Variants in CD302 observed in about 807,000 individuals in gnomAD.
CD302 encodes CD302 antigen.
A neutral mutation model predicts 26.5 loss-of-function variants in CD302; 23 were observed. The ratio of observed to expected loss-of-function variants is 0.87; its 90% CI spans 0.62 to 1.23. The LOEUF (loss-of-function observed/expected upper bound fraction) is 1.23, where lower values mean the gene tolerates loss of function less well. Among genes scored for constraint, CD302 ranks in the 50% most tolerant of loss-of-function variants. CD302 has a pLI of 0.00. For synonymous variants in CD302, 90 were observed against 99.4 expected (o/e 0.91, Z 0.56); for missense variants, 290 against 275.5 (o/e 1.05, Z -0.37).
rs1430257243 is a variant in CD302, at chr2:159,771,781, A to G, written c.*70T>C. On this transcript the variant is annotated 3_prime_UTR_variant, in exon 6 of 6. Coordinates refer to ENST00000259053, the MANE Select transcript of CD302 (RefSeq NM_014880.5). ...TCTAATATCCAATGTCAAGTTTTATATTAAAATCTTTCCCAAGTTATCTCT... is the reference window on the plus strand; with the variant it reads ...TCTAATATCCAATGTCAAGTTTTATGTTAAAATCTTTCCCAAGTTATCTCT... 9.1e-6 allele frequency: 14 copies of G among 1,536,044 alleles called. No homozygotes were observed. Among genetic ancestry groups the G allele is most frequent in the Non-Finnish European group, 1.2e-5 (14 of 1,122,434 alleles).
At chr2:159,782,227 A>T (rs113224945) in intron 2 of CD302, among the ~76,000 whole-genome samples, 5,647 of 151,850 alleles carry the variant, frequency 0.037, 336 homozygotes, top group African/African-American at 0.12. Flanking sequence ...CATCCTGGCC[A>T]ACAGTGAAAC....
At chr2:159,777,908 G>A (rs781701388) in intron 5 of CD302, 30 bp downstream of exon 5, 1 of 999,446 alleles carries the variant, frequency 1.0e-6, no homozygotes, top group Non-Finnish European at 1.5e-6. Flanking sequence ...TTAATTGTGG[G>A]AAAAATTTAA....
chr2:159,794,643 G>C (rs1265282193), intron 1 of CD302, among the ~76,000 whole-genome samples: 1 of 151,658 alleles, frequency 6.6e-6, no homozygotes, highest in East Asian at 2.0e-4. Flanking sequence ...CTGTCTCCTG[G>C]GTTCACGCCA....
At chr2:159,782,369 C>T (rs6432561) in intron 2 of CD302, among the ~76,000 whole-genome samples, 49,606 of 144,390 alleles carry the variant, frequency 0.34, 8,798 homozygotes, top group South Asian at 0.44. Flanking sequence ...GCCGAGATCA[C>T]GCCACTGCAC....
intron 5 of CD302, 78 bp from the exon 6 acceptor site, chr2:159,772,131 T>G: frequency 1.4e-6 from 2 of 1,460,196 alleles, no homozygotes; most frequent in Non-Finnish European, 1.9e-6. Flanking sequence ...AGCACAACTG[T>G]AGTTTTGTGT....
In CD302 at chr2:159,771,687, G is replaced by T; in HGVS notation, c.*164C>A. 2 of 780,092 alleles carry T rather than the reference G, an allele frequency of 2.6e-6. No homozygotes were observed. Among genetic ancestry groups the T allele is most frequent in the South Asian group, 2.0e-5 (1 of 49,824 alleles). 48.3% of individuals were successfully genotyped at this position (780,092 alleles called of 1,614,324 possible). On this transcript the variant is annotated 3_prime_UTR_variant, in exon 6 of 6. Transcript: ENST00000259053. The stretch of plus-strand genomic sequence containing the variant: ...CATTTCTAAAACCTGTTTTTTTAAT[G>T]AACCTAAAGACTTTTCACAGCAGAT...
Position 159,783,405 on chromosome 2 carries a change from G to C in CD302, c.132C>G (p.Ile44Met), listed in dbSNP as rs750345136. Residue 44 changes from isoleucine to methionine, a missense_variant, in exon 2 of 6, where the codon ATC becomes ATG. Ile to Met is a conservative substitution (Grantham distance 10, BLOSUM62 1). Transcript: ENST00000259053. ...DSCYIFLQEAIKVESIEDVRN... is the reference protein window; with the variant it reads ...DSCYIFLQEAMKVESIEDVRN... ...TGACATCCTCTATGCTTTCTACTTT[G>C]ATGGCTTCTTGGAGAAAAATGTAAC... is the stretch of plus-strand genomic sequence containing the variant. The C allele has an allele frequency of 6.2e-7, 1 of 1,612,946 alleles. No individual in the cohort carries two copies.
At position 159,772,000 on chromosome 2, in the gene CD302, C is replaced by A. The variant is rs532341650; in HGVS notation, c.550G>T (p.Val184Phe). 1 of 1,613,848 alleles carries A rather than the reference C, an allele frequency of 6.2e-7. No individual in the cohort carries two copies. The highest frequency in any genetic ancestry group is 1.7e-5 in the Admixed American group (1 of 60,002). Residue 184 changes from valine to phenylalanine, a missense_variant, in exon 6 of 6, where the codon GTT becomes TTT. Coordinates refer to ENST00000259053, the MANE Select transcript of CD302 (RefSeq NM_014880.5). ...LVIASTVILT[V>F]LGAIIWFLYK... The stretch of plus-strand genomic sequence containing the variant: ...AGGAACCAAATGATTGCTCCCAAAA[C>A]TGTCAAAATTACCGTGCTAGCAATC...
chr2:159,794,306 A>T lies in CD302; in HGVS notation c.67+3826T>A, dbSNP rs1360092326. Among the ~76,000 whole-genome samples, 15 of 8,950 alleles carry T rather than the reference A, an allele frequency of 1.7e-3. No individual in the cohort carries two copies. The South Asian group carries it at 0.035, about 21-fold the overall frequency. The allele number at this position is 8,950 out of a possible 152,430, so 5.9% of individuals were successfully genotyped here. A position where few individuals can be genotyped will look rare whatever the true frequency, so the allele number is the denominator to read the frequency against. On this transcript the variant is annotated intron_variant, in intron 1 of 5. Coordinates refer to ENST00000259053, the MANE Select transcript of CD302 (RefSeq NM_014880.5). ...ATAAAATAAAATAAAATAAAATAATAAAAAAAAAAACACTAAATAACCCAC... is the reference window on the plus strand; with the variant it reads ...ATAAAATAAAATAAAATAAAATAATTAAAAAAAAAACACTAAATAACCCAC...
chr2:159,771,592 C>G lies in CD302; in HGVS notation c.*259G>C. ...TATTTTTATCTGCTTGGGCTTTAAG[C>G]TTTCCTTCATTCAAGTGACAGATTC... On this transcript the variant is annotated 3_prime_UTR_variant, in exon 6 of 6. Coordinates refer to ENST00000259053, the MANE Select transcript of CD302 (RefSeq NM_014880.5). 5.6e-6 allele frequency: 2 copies of G among 358,928 alleles called. No individual in the cohort carries two copies. The highest frequency in any genetic ancestry group is 2.1e-5 in the African/African-American group (1 of 47,046). 22.2% of individuals were successfully genotyped at this position (358,928 alleles called of 1,614,324 possible).
At position 159,769,861 on chromosome 2, in the gene CD302, T is replaced by C. The variant is rs1708078629; in HGVS notation, c.*1990A>G. On this transcript the variant is annotated 3_prime_UTR_variant, in exon 6 of 6. Coordinates refer to ENST00000259053, the MANE Select transcript of CD302 (RefSeq NM_014880.5). Reference sequence around the variant, plus strand: ...CCAATAAAACTTCCTATAATGAAAATGTTCTATAATGTATGTTGCCCAGTA... The same window carrying C: ...CCAATAAAACTTCCTATAATGAAAACGTTCTATAATGTATGTTGCCCAGTA... The C allele has an allele frequency of 6.6e-6, 1 of 152,282 alleles. No individual in the cohort carries two copies. 9.4% of individuals were successfully genotyped at this position (152,282 alleles called of 1,614,324 possible).
Position 159,781,031 on chromosome 2 carries a change from A to C in CD302, c.179-33T>G, listed in dbSNP as rs1304618314. 3.2e-6 allele frequency: 5 copies of C among 1,548,744 alleles called. No individual in the cohort carries two copies. The African/African-American group carries it at 6.9e-5, about 21-fold the overall frequency. ...TATTTTAAAGAGAAAAAAAGTCAGCATATTCCAGAATCAGTGAAAATCACT... is the reference window on the plus strand; with the variant it reads ...TATTTTAAAGAGAAAAAAAGTCAGCCTATTCCAGAATCAGTGAAAATCACT... On this transcript the variant is annotated intron_variant, in intron 2 of 5. Transcript: ENST00000259053.
At chr2:159,791,054 A>G (rs1170580916) in intron 1 of CD302, among the ~76,000 whole-genome samples, 1 of 152,212 alleles carries the variant, frequency 6.6e-6, no homozygotes, top group African/African-American at 2.4e-5. Context: ...TGATTAAGGT[A>G]TATTCTTATT....
At chr2:159,785,788 C>T (rs560670245) in intron 1 of CD302, among the ~76,000 whole-genome samples, 1 of 152,330 alleles carries the variant, frequency 6.6e-6, no homozygotes, top group African/African-American at 2.4e-5. Context: ...CCATCTATAC[C>T]ACCTTCTCCA....
intron 1 of CD302, among the ~76,000 whole-genome samples, chr2:159,789,725 T>C (rs1226611349): frequency 1.3e-5 from 2 of 152,316 alleles, no homozygotes; most frequent in South Asian, 2.1e-4. Flanking sequence ...TTTTGATCCG[T>C]AGGGATTGCC....
intron 1 of CD302, among the ~76,000 whole-genome samples, chr2:159,795,643 G>C (rs1708933175): frequency 1.3e-5 from 2 of 152,330 alleles, no homozygotes; most frequent in South Asian, 4.1e-4. Flanking sequence ...TGGTGGAGGT[G>C]GGGGCAGCCA....
chr2:159,783,215 C>T, intron 2 of CD302, 144 bp downstream of exon 2: 1 of 612,500 alleles, frequency 1.6e-6, no homozygotes, highest in Non-Finnish European at 2.7e-6. Context: ...CTGCCTGTAG[C>T]TTGTGTGTTG....
chr2:159,796,122 G>A lies in CD302; in HGVS notation c.67+2010C>T, dbSNP rs57688010. On this transcript the variant is annotated intron_variant, in intron 1 of 5. Transcript: ENST00000259053. ...ATGACAGACAATAACAATGATTTCC[G>A]TTTCAACATCACATTTATATGCAAT... Among the ~76,000 whole-genome samples, 241 of 152,236 alleles carry A rather than the reference G, an allele frequency of 1.6e-3. 1 individual carries two copies. The highest frequency in any genetic ancestry group is 5.7e-3 in the African/African-American group (235 of 41,536).
At chr2:159,788,054 C>T (rs1708713859) in intron 1 of CD302, among the ~76,000 whole-genome samples, 1 of 151,746 alleles carries the variant, frequency 6.6e-6, no homozygotes, top group African/African-American at 2.4e-5. Context: ...TTGCAGTGAG[C>T]CAAGATTGCA....
Sources: allele counts gnomAD v4.1 joint callset (sites outside exome capture counted in the v4.1 genomes callset), GRCh38; gene constraint gnomAD v4.1.1; transcripts MANE v1.5; gene names NCBI Gene and HGNC (gene_info 2026-07-23, HGNC 2026-07-21).